KIRREL3: variants seen among roughly 807,000 people sequenced by gnomAD.
The protein encoded by KIRREL3 is kirre like nephrin family adhesion molecule 3.
KIRREL3 carries 36 observed loss-of-function variants against 89.7 expected under a neutral mutation model. The ratio of observed to expected loss-of-function variants is 0.40; its 90% confidence interval spans 0.31 to 0.53. KIRREL3 has a LOEUF of 0.53. Among genes scored for constraint, KIRREL3 ranks in the 20% least tolerant of loss-of-function variants. The pLI is 0.49. For synonymous variants in KIRREL3, 445 were observed against 441.4 expected, an observed-to-expected ratio of 1.01 and a Z score of -0.10; for missense variants, 864 against 1,056.6, an observed-to-expected ratio of 0.82 and a Z score of 2.53.
rs60938174 is a variant in KIRREL3, at chr11:126,922,121, G to GTCTATCTATCTA, written c.55+78322_55+78333dup. Among the ~76,000 whole-genome samples the GTCTATCTATCTA allele has an allele frequency of 3.8e-3, 530 of 140,066 alleles. 1 individual carries two copies. Among genetic ancestry groups the GTCTATCTATCTA allele is most frequent in the African/African-American group, 3.9e-3 (145 of 37,060 alleles). The allele number at this position is 140,066 out of a possible 152,430, so 91.9% of individuals were successfully genotyped here. ...TATCTATCGATCTATCTATCTGTCT[G>GTCTATCTATCTA]TCTATCTATCTATCTATCTATCTAT... is the stretch of plus-strand genomic sequence containing the variant. On this transcript the variant is annotated intron_variant, in intron 1 of 16. Coordinates refer to ENST00000525144, the MANE Select transcript of KIRREL3 (RefSeq NM_032531.4).
chr11:126,547,696 G>C (rs12281907), intron 2 of KIRREL3, among the ~76,000 whole-genome samples: 33,460 of 152,100 alleles, frequency 0.22, 4,139 homozygotes, highest in African/African-American at 0.32. Flanking sequence ...CCTGAGTGGC[G>C]GAGTGGGGGG....
intron 1 of KIRREL3, among the ~76,000 whole-genome samples, chr11:126,595,315 C>T (rs1384390825): frequency 3.3e-5 from 5 of 152,218 alleles, no homozygotes; most frequent in South Asian, 2.1e-4. Flanking sequence ...TCCAGAGATC[C>T]GGAGCTGAGG....
rs910552790 is a variant in KIRREL3 at position 126,612,847 on chromosome 11, A to G, written c.56-49935T>C. ...CCTTTGTATGGGTGAGTAACATTCC[A>G]TGGCATAGCTATAAGCGCATTTTGT... On this transcript the variant is annotated intron_variant, in intron 1 of 16. Coordinates refer to ENST00000525144, the MANE Select transcript of KIRREL3 (RefSeq NM_032531.4). The surrounding 1 kb of genome is among the most constrained non-coding windows in gnomAD (Gnocchi z 4.5). 1.3e-5 allele frequency among the ~76,000 whole-genome samples: 2 copies of G among 152,202 alleles called. No homozygotes were observed. The highest frequency in any genetic ancestry group is 4.8e-5 in the African/African-American group (2 of 41,450).
chr11:126,702,272 T>G (rs1306378111), intron 1 of KIRREL3, among the ~76,000 whole-genome samples: 1 of 152,230 alleles, frequency 6.6e-6, no homozygotes, highest in African/African-American at 2.4e-5. Context: ...TGATGGTAGC[T>G]GCAGGTATAT....
upstream of KIRREL3, chr11:127,000,926 G>GA: frequency 2.8e-6 from 1 of 362,242 alleles, no homozygotes. This position sits in a 1 kb window ranked among gnomAD's most constrained non-coding sequence, Gnocchi z 7.1. Context: ...GAAACACTCG[G>GA]AAAAAGGAGA....
At chr11:126,825,420 A>C (rs1943372283) in intron 1 of KIRREL3, among the ~76,000 whole-genome samples, 1 of 152,224 alleles carries the variant, frequency 6.6e-6, no homozygotes, top group Non-Finnish European at 1.5e-5. Context: ...TGGTATGGTA[A>C]TGTGCCTTCT....
At position 126,609,787 on chromosome 11, in the gene KIRREL3, G is replaced by A. The variant is rs1276917585; in HGVS notation, c.56-46875C>T. Among the ~76,000 whole-genome samples, 1 of 152,194 alleles carries A rather than the reference G, an allele frequency of 6.6e-6. No individual in the cohort carries two copies. Among genetic ancestry groups the A allele is most frequent in the African/African-American group, 2.4e-5 (1 of 41,446 alleles). Reference sequence around the variant, plus strand: ...GAGCTCCCCAGTATTCTAATATACAGCAAAAGTTGAGAGCCACTCGCAGCT... The same window carrying A: ...GAGCTCCCCAGTATTCTAATATACAACAAAAGTTGAGAGCCACTCGCAGCT... On this transcript the variant is annotated intron_variant, in intron 1 of 16. Coordinates refer to ENST00000525144, the MANE Select transcript of KIRREL3 (RefSeq NM_032531.4). The surrounding 1 kb of genome is among the most constrained non-coding windows in gnomAD (Gnocchi z 5.0).
intron 12 of KIRREL3, among the ~76,000 whole-genome samples, chr11:126,436,007 T>C (rs970123537): frequency 2.0e-5 from 3 of 152,190 alleles, no homozygotes; most frequent in South Asian, 4.1e-4. Context: ...GTGGTGGGGC[T>C]TCTGGAGCCA....
intron 1 of KIRREL3, among the ~76,000 whole-genome samples, chr11:126,654,703 C>A (rs557977578): frequency 6.6e-6 from 1 of 152,164 alleles, no homozygotes; most frequent in Non-Finnish European, 1.5e-5. Context: ...CAGCCGACAT[C>A]GTGAGAGGTC....
rs920243541 is a variant in KIRREL3, at chr11:126,576,550, A to G, written c.56-13638T>C. On this transcript the variant is annotated intron_variant, in intron 1 of 16. Transcript: ENST00000525144. This position sits in a 1 kb window ranked among gnomAD's most constrained non-coding sequence, Gnocchi z 5.4. ...AGGAAGTTTCATGTGGGTTTGGGCAAATTATTAAACATCCCTGGACCTCAG... is the reference window on the plus strand; with the variant it reads ...AGGAAGTTTCATGTGGGTTTGGGCAGATTATTAAACATCCCTGGACCTCAG... Among the ~76,000 whole-genome samples, 3 of 152,128 alleles carry G rather than the reference A, an allele frequency of 2.0e-5. No homozygotes were observed. Among genetic ancestry groups the G allele is most frequent in the Admixed American group, 6.5e-5 (1 of 15,274 alleles).
At chr11:126,840,122 C>A (rs1290854281) in intron 1 of KIRREL3, among the ~76,000 whole-genome samples, 1 of 152,208 alleles carries the variant, frequency 6.6e-6, no homozygotes, top group Non-Finnish European at 1.5e-5. Context: ...CTGGTAATCT[C>A]TGCCTTTTCA....
At chr11:126,728,120 G>A (rs1168086317) in intron 1 of KIRREL3, among the ~76,000 whole-genome samples, 1 of 152,198 alleles carries the variant, frequency 6.6e-6, no homozygotes, top group Non-Finnish European at 1.5e-5. Context: ...GCAGGGTAAA[G>A]AGGCTGCAAG....
chr11:126,514,868 A>ACAACT (rs774699804), intron 4 of KIRREL3, among the ~76,000 whole-genome samples: 1 of 76,238 alleles, frequency 1.3e-5, no homozygotes, highest in Non-Finnish European at 2.7e-5. Context: ...ACAACACAAC[A>ACAACT]AAACACAATT....
At chr11:126,536,609 G>A (rs1056109956) in intron 2 of KIRREL3, among the ~76,000 whole-genome samples, 1 of 150,718 alleles carries the variant, frequency 6.6e-6, no homozygotes, top group South Asian at 2.1e-4. Flanking sequence ...GGGATCGGGG[G>A]TGCTGAGTAT....
Position 126,502,789 on chromosome 11 carries a change from G to A in KIRREL3, c.433+18526C>T, listed in dbSNP as rs61092479. ...TGATCTTTAAAACTGATTTCCTTCA[G>A]TTGCATTTCATTGGTGTAGAAACTA... On this transcript the variant is annotated intron_variant, in intron 4 of 16. Transcript: ENST00000525144. Among the ~76,000 whole-genome samples, 69 of 152,274 alleles carry A rather than the reference G, an allele frequency of 4.5e-4. No individual in the cohort carries two copies. The East Asian group carries it at 0.013, about 29-fold the overall frequency.
chr11:126,443,942 C>T lies in KIRREL3; in HGVS notation c.1252+1037G>A, dbSNP rs376074202. Among the ~76,000 whole-genome samples, 66 of 152,300 alleles carry T rather than the reference C, an allele frequency of 4.3e-4. No homozygotes were observed. In the South Asian group the frequency reaches 0.012, roughly 28 times the overall value. ...GAGGTGAGGGGGGAGCATTCGGAAA[C>T]GGCAGAGGAATCGAACTGGCAGCTT... On this transcript the variant is annotated intron_variant, in intron 10 of 16. Transcript: ENST00000525144. The surrounding 1 kb of genome is among the most constrained non-coding windows in gnomAD (Gnocchi z 7.3).
chr11:126,712,997 G>A (rs1370914060), intron 1 of KIRREL3, among the ~76,000 whole-genome samples: 1 of 152,180 alleles, frequency 6.6e-6, no homozygotes, highest in African/African-American at 2.4e-5. Flanking sequence ...TAGGCACTGG[G>A]TGCTGGGTGC....
In KIRREL3 at chr11:126,431,816, G is replaced by A. The variant is rs1190349179; in HGVS notation, c.1589-290C>T. ...GAGGCAGGCAGACACGGAGAAGGGA[G>A]GGCCAGGGGACAGGAAGACCGGAGA... On this transcript the variant is annotated intron_variant, in intron 13 of 16. Transcript: ENST00000525144. The surrounding 1 kb of genome is among the most constrained non-coding windows in gnomAD (Gnocchi z 7.1). Among the ~76,000 whole-genome samples, 1 of 152,174 alleles carries A rather than the reference G, an allele frequency of 6.6e-6. No individual in the cohort carries two copies. Among genetic ancestry groups the A allele is most frequent in the Non-Finnish European group, 1.5e-5 (1 of 68,020 alleles).
At position 126,474,767 on chromosome 11, in the gene KIRREL3, A is replaced by C. The variant is rs544785928; in HGVS notation, c.434-1301T>G. ...AACTCCACTGACATTTGCTGGCCCC[A>C]CTGGGGTCACCCTTTGATTCCGATG... On this transcript the variant is annotated intron_variant, in intron 4 of 16. Transcript: ENST00000525144. This position sits in a 1 kb window ranked among gnomAD's most constrained non-coding sequence, Gnocchi z 6.7. 1.3e-5 allele frequency among the ~76,000 whole-genome samples: 2 copies of C among 152,172 alleles called. No homozygotes were observed. Among genetic ancestry groups the C allele is most frequent in the Non-Finnish European group, 2.9e-5 (2 of 68,020 alleles).
Sources: gnomAD v4.1 joint callset for allele counts (sites outside exome capture counted in the v4.1 genomes callset) on GRCh38, gnomAD v4.1.1 for gene constraint, Gnocchi (gnomAD v3.1) non-coding constraint, MANE v1.5 for transcripts, NCBI Gene and HGNC (gene_info 2026-07-23, HGNC 2026-07-21) for gene names.